MAP2K7: variants seen among roughly 807,000 people sequenced by gnomAD.
MAP2K7 encodes the protein dual specificity mitogen-activated protein kinase kinase 7.
Under a neutral mutation model 47.7 loss-of-function variants are expected in MAP2K7, and 12 were observed. That is an observed-to-expected ratio of 0.25 (90% CI 0.16 to 0.41). The LOEUF (loss-of-function observed/expected upper bound fraction) is 0.41, where lower values mean the gene tolerates loss of function less well. Among genes scored for constraint, MAP2K7 ranks in the 10% least tolerant of loss-of-function variants. The probability of loss-of-function intolerance (pLI) is 1.00; values close to 1 mark genes in which losing one functional copy is unlikely to be tolerated. For missense variants in MAP2K7, 415 were observed against 600.3 expected (o/e 0.69, Z 3.23); for synonymous variants, 299 against 243.0 (o/e 1.23, Z -2.14).
chr19:7,907,797 G>A (rs1414465557), intron 1 of MAP2K7, among the ~76,000 whole-genome samples: 2 of 152,114 alleles, frequency 1.3e-5, no homozygotes, highest in Non-Finnish European at 2.9e-5. Flanking sequence ...AGCGGGACTC[G>A]GATACTCTCT....
At position 7,905,695 on chromosome 19, in the gene MAP2K7, G is replaced by C. The variant is rs754432219; in HGVS notation, c.124+1627G>C. 6.5e-6 allele frequency: 6 copies of C among 919,184 alleles called. 1 individual carries two copies. The South Asian group carries it at 8.1e-5, about 12-fold the overall frequency. The allele number at this position is 919,184 out of a possible 1,614,324, so 56.9% of individuals were successfully genotyped here. On this transcript the variant is annotated intron_variant, in intron 1 of 10. Coordinates refer to ENST00000397979, the MANE Select transcript of MAP2K7 (RefSeq NM_145185.4). The stretch of plus-strand genomic sequence containing the variant: ...CGGTTCCTAGCCATCTCTGCAGTTC[G>C]GTGCCTCCCCCTCCTCCTCGTTTAT...
intron 1 of MAP2K7, chr19:7,906,056 C>G: frequency 1.6e-6 from 1 of 609,804 alleles, no homozygotes; most frequent in Admixed American, 2.8e-5. Flanking sequence ...TCCTCCTCCC[C>G]CTCCCTTACT....
chr19:7,911,209 C>T, intron 7 of MAP2K7, 41 bp from the exon 8 acceptor site: 2 of 1,607,778 alleles, frequency 1.2e-6, no homozygotes, highest in Non-Finnish European at 1.7e-6. Flanking sequence ...GGGAGGCCGG[C>T]CCCAGCCTTG....
In MAP2K7 at chr19:7,910,930, C is replaced by T. The variant is rs756805513; in HGVS notation, c.676-50C>T. 3.1e-6 allele frequency: 5 copies of T among 1,593,898 alleles called. No homozygotes were observed. The South Asian group carries it at 3.3e-5, about 11-fold the overall frequency. On this transcript the variant is annotated intron_variant, in intron 6 of 10. Transcript: ENST00000397979. ...GGTGGGGCGTGCACCGGGCAGGTGG[C>T]CTTGGGTCTGTGCCCCCTGCCACAT...
chr19:7,911,078 G>A lies in MAP2K7; in HGVS notation c.774G>A (p.Lys258=), dbSNP rs1982820464. ...NILLDERGQI[K]LCDFGISGRL... is the part of the protein sequence containing the mutation. ...TGCTGGACGAGCGGGGCCAGATCAA[G>A]CTCTGCGACTTCGGCATCAGCGGCC... The change falls in exon 7 of 11, where the codon AAG becomes AAA. Residue 258 remains lysine, a synonymous_variant. Transcript: ENST00000397979. 7.4e-6 allele frequency: 12 copies of A among 1,612,578 alleles called. No individual in the cohort carries two copies. The highest frequency in any genetic ancestry group is 1.3e-5 in the African/African-American group (1 of 74,930).
In MAP2K7 at chr19:7,912,373, CTG is replaced by C. The variant is rs1264055264; in HGVS notation, c.1203_1204del (p.Glu402ValfsTer5). ...TGGTTCAAGGATGTCATGGCGAAGA[CTG>C]AGTCACCGCGGACTAGCGGCGTCCT... is the stretch of plus-strand genomic sequence containing the variant. On this transcript the variant is annotated frameshift_variant, in exon 11 of 11. Coordinates refer to ENST00000397979, the MANE Select transcript of MAP2K7 (RefSeq NM_145185.4). LOFTEE classifies it high-confidence loss of function. 6.2e-7 allele frequency: 1 copy of C among 1,613,252 alleles called. No homozygotes were observed. The highest frequency in any genetic ancestry group is 1.7e-5 in the Admixed American group (1 of 60,014).
intron 2 of MAP2K7, 83 bp downstream of exon 2, chr19:7,909,979 C>T (rs1432258780): frequency 3.6e-5 from 55 of 1,510,140 alleles, no homozygotes; most frequent in South Asian, 3.4e-4. Context: ...GTGGTTAAAC[C>T]GGTGGGAACC....
chr19:7,912,072 AGGGCCTGAGCACAGGGGTG>A, intron 9 of MAP2K7, 58 bp from the exon 10 acceptor site: 1 of 1,387,314 alleles, frequency 7.2e-7, no homozygotes, highest in South Asian at 1.2e-5. Flanking sequence ...CCCCTTGGGG[AGGGCCTGAGCACAGGGGTG>A]GGGCCGGCAT....
chr19:7,910,976 G>A lies in MAP2K7; in HGVS notation c.676-4G>A, dbSNP rs1407104943. 2 of 1,605,244 alleles carry A rather than the reference G, an allele frequency of 1.2e-6. No individual in the cohort carries two copies. Among genetic ancestry groups the A allele is most frequent in the South Asian group, 1.1e-5 (1 of 90,880 alleles). On this transcript the variant is annotated splice_region_variant and splice_polypyrimidine_tract_variant and intron_variant, in intron 6 of 10. Transcript: ENST00000397979. The stretch of plus-strand genomic sequence containing the variant: ...CACATGCACCCCCCTCTGCGTGCCT[G>A]CAGATTGTGAAGGCGCTGTACTACC...
rs1568277309 is a variant in MAP2K7 at position 7,909,908 on chromosome 19, G to A, written c.266+12G>A. 6.6e-7 allele frequency: 1 copy of A among 1,508,360 alleles called. No individual in the cohort carries two copies. The highest frequency in any genetic ancestry group is 2.2e-5 in the Admixed American group (1 of 45,158). 93.4% of individuals were successfully genotyped at this position (1,508,360 alleles called of 1,614,324 possible). On this transcript the variant is annotated intron_variant, in intron 2 of 10. Coordinates refer to ENST00000397979, the MANE Select transcript of MAP2K7 (RefSeq NM_145185.4). ...CGCAGCATGGAGAGGTGAGCCAGGGGCCCAGCAGGGTTGGGTGGGAAGCAG... is the reference window on the plus strand; with the variant it reads ...CGCAGCATGGAGAGGTGAGCCAGGGACCCAGCAGGGTTGGGTGGGAAGCAG...
Position 7,911,306 on chromosome 19 carries a change from C to T in MAP2K7, c.912C>T (p.Asp304=), listed in dbSNP as rs773004637. The T allele has an allele frequency of 4.3e-6, 7 of 1,613,306 alleles. No individual in the cohort carries two copies. Among genetic ancestry groups the T allele is most frequent in the South Asian group, 1.1e-5 (1 of 91,080 alleles). Residue 304 remains aspartate, a synonymous_variant, in exon 8 of 11, where the codon GAC becomes GAT. Coordinates refer to ENST00000397979, the MANE Select transcript of MAP2K7 (RefSeq NM_145185.4). Reference sequence around the variant, plus strand: ...AGCCGGACTATGACATCCGGGCCGACGTATGGAGCCTGGGCATCTCGTTGG... The same window carrying T: ...AGCCGGACTATGACATCCGGGCCGATGTATGGAGCCTGGGCATCTCGTTGG... ...PTKPDYDIRA[D]VWSLGISLVE...
intron 1 of MAP2K7, chr19:7,907,071 A>T (rs999730456): frequency 6.6e-6 from 1 of 151,684 alleles, no homozygotes; most frequent in Non-Finnish European, 1.5e-5. Context: ...ATAAAAGATT[A>T]GGTGGAGGTT....
At chr19:7,909,101 C>T (rs1982647399) in intron 1 of MAP2K7, among the ~76,000 whole-genome samples, 1 of 152,230 alleles carries the variant, frequency 6.6e-6, no homozygotes, top group Non-Finnish European at 1.5e-5. Flanking sequence ...CCAGAGGATG[C>T]AGGCCCCCTG....
chr19:7,911,524 T>G lies in MAP2K7; in HGVS notation c.1025T>G (p.Leu342Arg). The change falls in exon 9 of 11, where the codon CTT becomes CGT. Residue 342 changes from leucine (L) to arginine (R), a missense_variant. Physicochemically the swap from Leu to Arg is moderately radical, Grantham distance 102. Around this residue, in one of 3 missense-constraint regions of MAP2K7, gnomAD observed 94 missense variants for 105.2 expected, o/e 0.89. Coordinates refer to ENST00000397979, the MANE Select transcript of MAP2K7 (RefSeq NM_145185.4). ...AAAGTCCTACAGGAAGAGCCCCCGC[T>G]TCTGCCCGGACACATGGGCTTCTCG... ...LTKVLQEEPP[L>R]LPGHMGFSGD... 1 of 1,612,014 alleles carries G rather than the reference T, an allele frequency of 6.2e-7. No homozygotes were observed. The highest frequency in any genetic ancestry group is 8.5e-7 in the Non-Finnish European group (1 of 1,179,346).
rs374909305 is a variant in MAP2K7, at chr19:7,910,615, C to T, written c.567+43C>T. On this transcript the variant is annotated intron_variant, in intron 5 of 10. Transcript: ENST00000397979. ...CCCTGCAGCGTCTCCTCCTCCCTCA[C>T]CCCTGCCCCTTCCTAGGGAGCAGAG... 204 of 1,612,184 alleles carry T rather than the reference C, an allele frequency of 1.3e-4. No homozygotes were observed. The Middle Eastern group carries it at 3.0e-3, about 23-fold the overall frequency.
Position 7,910,121 on chromosome 19 carries a change from G to A in MAP2K7, c.325G>A (p.Gly109Arg), listed in dbSNP as rs760936521. 3.7e-6 allele frequency: 6 copies of A among 1,605,958 alleles called. No individual in the cohort carries two copies. The highest frequency in any genetic ancestry group is 2.2e-5 in the East Asian group (1 of 44,730). Reference sequence around the variant, plus strand: ...GAAGCAGACGGGCTACCTGACCATCGGGGGCCAGGTACCACCTTCACTGTG... The same window carrying A: ...GAAGCAGACGGGCTACCTGACCATCAGGGGCCAGGTACCACCTTCACTGTG... ...IMKQTGYLTI[G>R]GQRYQAEIND... The change falls in exon 3 of 11, where the codon GGG becomes AGG. Residue 109 changes from glycine (G) to arginine (R), a missense_variant. Around this residue, in one of 3 missense-constraint regions of MAP2K7, gnomAD observed 206 missense variants for 368.8 expected, o/e 0.56. Transcript: ENST00000397979.
chr19:7,912,804 A>C lies in MAP2K7; in HGVS notation c.*373A>C. ...CTCCCAGCGTGCTGTGTCCTTCGCC[A>C]CTCCCACGCGCCCGTTCCTCTTCCG... is the stretch of plus-strand genomic sequence containing the variant. On this transcript the variant is annotated 3_prime_UTR_variant, in exon 11 of 11. Transcript: ENST00000397979. 2 of 245,558 alleles carry C rather than the reference A, an allele frequency of 8.1e-6. No homozygotes were observed. Among genetic ancestry groups the C allele is most frequent in the African/African-American group, 2.3e-5 (1 of 43,796 alleles). 15.2% of individuals were successfully genotyped at this position (245,558 alleles called of 1,614,324 possible).
chr19:7,907,100 G>T (rs1189939866), intron 1 of MAP2K7: 1 of 150,238 alleles, frequency 6.7e-6, no homozygotes, highest in Admixed American at 6.6e-5. Context: ...CTGAGATCGC[G>T]CCACTGCATT....
At position 7,911,172 on chromosome 19, in the gene MAP2K7, C is replaced by T; in HGVS notation, c.855+13C>T. 3 of 1,608,302 alleles carry T rather than the reference C, an allele frequency of 1.9e-6. No homozygotes were observed. Among genetic ancestry groups the T allele is most frequent in the Middle Eastern group, 1.7e-4 (1 of 5,894 alleles). ...CGCCTACATGGCAGTGAGTGGGGGC[C>T]CCCCAGCGGGGGAGGGGGTGGGGGC... On this transcript the variant is annotated intron_variant, in intron 7 of 10. Transcript: ENST00000397979.
Sources: allele counts gnomAD v4.1 joint callset (sites outside exome capture counted in the v4.1 genomes callset), GRCh38; gene constraint gnomAD v4.1.1; regional missense constraint gnomAD v4.1.1; transcripts MANE v1.5; gene names NCBI Gene and HGNC (gene_info 2026-07-23, HGNC 2026-07-21).